AVL9: variants seen among roughly 807,000 people sequenced by gnomAD.
The protein encoded by AVL9 is late secretory pathway protein AVL9 homolog.
AVL9 carries 49 observed loss-of-function variants against 79.2 expected under a neutral mutation model. That is an observed-to-expected ratio of 0.62 (90% confidence interval 0.49 to 0.79). The LOEUF (loss-of-function observed/expected upper bound fraction) is 0.79. AVL9 is among the 30% of genes least tolerant of loss of function. The pLI, the probability that AVL9 is intolerant of heterozygous loss-of-function variation, is 0.00. For synonymous variants in AVL9, 299 were observed against 280.6 expected (o/e 1.07, Z -0.65); for missense variants, 682 against 776.8 (o/e 0.88, Z 1.45).
At chr7:32,581,316 G>A in intron 15 of AVL9, 3 of 154,254 alleles carry the variant, frequency 1.9e-5, no homozygotes, top group East Asian at 1.9e-4. Flanking sequence ...TATAAAATCT[G>A]GTAAAGATAA....
chr7:32,549,209 T>A (rs144488262), intron 4 of AVL9, among the ~76,000 whole-genome samples: 15,650 of 48,676 alleles, frequency 0.32, 1,162 homozygotes, highest in African/African-American at 0.34. Flanking sequence ...AAAAAAAAAA[T>A]TTTATATATA....
At chr7:32,496,993 G>A (rs930957063) in intron 1 of AVL9, among the ~76,000 whole-genome samples, 2 of 152,202 alleles carry the variant, frequency 1.3e-5, no homozygotes, top group African/African-American at 4.8e-5. Context: ...CCAGCTACTC[G>A]GTAGGCTAAG....
At chr7:32,497,841 CG>C (rs1415844361) in intron 1 of AVL9, among the ~76,000 whole-genome samples, 2 of 151,978 alleles carry the variant, frequency 1.3e-5, no homozygotes, top group Non-Finnish European at 2.9e-5. Flanking sequence ...TTAGTAGAGA[CG>C]GGGTTTCACA....
intron 8 of AVL9, 101 bp from the exon 9 acceptor site, chr7:32,558,458 C>T (rs1198357565): frequency 4.3e-5 from 38 of 888,178 alleles, no homozygotes; most frequent in South Asian, 3.7e-4. Context: ...GCCCGGCCAG[C>T]TGTTATTCTT....
At chr7:32,503,327 TATATATCTATATATATAG>T (rs1787231158) in intron 1 of AVL9, among the ~76,000 whole-genome samples, 3 of 109,984 alleles carry the variant, frequency 2.7e-5, no homozygotes, top group African/African-American at 1.0e-4. Flanking sequence ...AAGATATATA[TATATATCTATATATATAG>T]ATATAGATAT....
intron 1 of AVL9, among the ~76,000 whole-genome samples, chr7:32,509,149 A>T (rs6951955): frequency 0.35 from 53,236 of 151,954 alleles, 9,664 homozygotes; most frequent in East Asian, 0.48. Context: ...GCGTGGAAGC[A>T]GCTAACTGAG....
chr7:32,543,188 C>T lies in AVL9; in HGVS notation c.141C>T (p.Ser47=). The change falls in exon 2 of 16, where the codon AGC becomes AGT. Residue 47 remains serine (S), a synonymous_variant. Coordinates refer to ENST00000318709, the MANE Select transcript of AVL9 (RefSeq NM_015060.3). The part of the protein sequence containing the change: ...PPLIPGDGHD[S]HTLPEEWKYL... ...TGATTCCAGGAGATGGACATGACAG[C>T]CACACTTTACCTGAAGAATGGAAGT... 6.2e-7 allele frequency: 1 copy of T among 1,614,166 alleles called. No individual in the cohort carries two copies. The highest frequency in any genetic ancestry group is 1.3e-5 in the African/African-American group (1 of 75,040).
At chr7:32,514,588 G>T (rs557670766) in intron 1 of AVL9, among the ~76,000 whole-genome samples, 14 of 152,228 alleles carry the variant, frequency 9.2e-5, no homozygotes, top group African/African-American at 3.4e-4. Flanking sequence ...AAGTGTAAAT[G>T]GCCGGTCCTT....
At chr7:32,508,943 C>T (rs1787533055) in intron 1 of AVL9, among the ~76,000 whole-genome samples, 1 of 152,200 alleles carries the variant, frequency 6.6e-6, no homozygotes, top group Admixed American at 6.5e-5. Context: ...TGACCCTTTA[C>T]ATTTCCATAT....
chr7:32,581,174 G>A (rs1791489855), intron 15 of AVL9: 1 of 363,384 alleles, frequency 2.8e-6, no homozygotes, highest in Non-Finnish European at 5.0e-6. Context: ...TCCCTGTGCT[G>A]TCCACAGTTC....
intron 10 of AVL9, among the ~76,000 whole-genome samples, chr7:32,563,748 A>G (rs571704713): frequency 1.3e-5 from 2 of 152,126 alleles, no homozygotes; most frequent in Non-Finnish European, 2.9e-5. Flanking sequence ...TTATTCGATA[A>G]ATTATTTCTG....
rs538952400 is a variant in AVL9, at chr7:32,527,698, A to G, written c.94-15443A>G. 2.6e-4 allele frequency among the ~76,000 whole-genome samples: 40 copies of G among 152,266 alleles called. No individual in the cohort carries two copies. The South Asian group carries it at 8.1e-3, about 31-fold the overall frequency. ...CAGGATGGGCCCACGGCAGGCTGCT[A>G]TGCCACACCAGCAACACTATGGGAC... On this transcript the variant is annotated intron_variant, in intron 1 of 15. Transcript: ENST00000318709.
Position 32,586,090 on chromosome 7 carries a change from C to A in AVL9, c.*2183C>A, listed in dbSNP as rs1791764781. ...TGGTTTCTGTGATCGGGGTAAACTCCCGTCTCCCACTATTCAAAAGCAGCC... is the reference window on the plus strand; with the variant it reads ...TGGTTTCTGTGATCGGGGTAAACTCACGTCTCCCACTATTCAAAAGCAGCC... On this transcript the variant is annotated 3_prime_UTR_variant, in exon 16 of 16. Coordinates refer to ENST00000318709, the MANE Select transcript of AVL9 (RefSeq NM_015060.3). The A allele has an allele frequency of 6.6e-6, 1 of 152,110 alleles. No homozygotes were observed. The highest frequency in any genetic ancestry group is 6.6e-5 in the Admixed American group (1 of 15,266). The allele number at this position is 152,110 out of a possible 1,614,324, so 9.4% of individuals were successfully genotyped here. A position where few individuals can be genotyped will look rare whatever the true frequency, so the allele number is the denominator to read the frequency against.
chr7:32,495,598 A>G lies in AVL9; in HGVS notation c.-112A>G. 1 of 608,252 alleles carries G rather than the reference A, an allele frequency of 1.6e-6. No individual in the cohort carries two copies. Among genetic ancestry groups the G allele is most frequent in the African/African-American group, 1.9e-5 (1 of 52,230 alleles). 37.7% of individuals were successfully genotyped at this position (608,252 alleles called of 1,614,324 possible). On this transcript the variant is annotated 5_prime_UTR_variant, in exon 1 of 16. The change abolishes an upstream ATG in the 5' untranslated region. Coordinates refer to ENST00000318709, the MANE Select transcript of AVL9 (RefSeq NM_015060.3). ...CCACCGATCTCCCTGTGCGGCCCTC[A>G]TGTGCTGTGCTCGCTGACACCCGAA...
rs1169813900 is a variant in AVL9, at chr7:32,586,563, C to T, written c.*2656C>T. 1 of 152,056 alleles carries T rather than the reference C, an allele frequency of 6.6e-6. No homozygotes were observed. The highest frequency in any genetic ancestry group is 2.4e-5 in the African/African-American group (1 of 41,362). The allele number at this position is 152,056 out of a possible 1,614,324, so 9.4% of individuals were successfully genotyped here. A position where few individuals can be genotyped will look rare whatever the true frequency, so the allele number is the denominator to read the frequency against. ...CTCTCCAAACCCTGGCTCTGTGAGC[C>T]ATAGGAACCAGCACTAGGTCATCTT... On this transcript the variant is annotated 3_prime_UTR_variant, in exon 16 of 16. Coordinates refer to ENST00000318709, the MANE Select transcript of AVL9 (RefSeq NM_015060.3).
At chr7:32,560,315 T>C (rs1471330639) in intron 10 of AVL9, among the ~76,000 whole-genome samples, 1 of 151,524 alleles carries the variant, frequency 6.6e-6, no homozygotes, top group Non-Finnish European at 1.5e-5. Context: ...CACAATAAAG[T>C]GAAGTACAAT....
At chr7:32,579,548 TATTA>T in intron 13 of AVL9, among the ~76,000 whole-genome samples, 2 of 5,094 alleles carry the variant, frequency 3.9e-4, no homozygotes, top group East Asian at 5.7e-3. Context: ...ATATATTATA[TATTA>T]TATATTATAT....
intron 12 of AVL9, 69 bp from the exon 13 acceptor site, chr7:32,575,886 T>C: frequency 8.9e-7 from 1 of 1,118,640 alleles, no homozygotes; most frequent in Non-Finnish European, 1.4e-6. Context: ...TTACCCTTTT[T>C]GGTTATAATC....
intron 1 of AVL9, chr7:32,533,190 C>G (rs891866889): frequency 6.6e-6 from 1 of 152,182 alleles, no homozygotes; most frequent in African/African-American, 2.4e-5. Context: ...GCCTGTAATC[C>G]AAGCTACTCG....
Sources: gnomAD v4.1 joint callset for allele counts (sites outside exome capture counted in the v4.1 genomes callset) on GRCh38, gnomAD v4.1.1 for gene constraint, MANE v1.5 for transcripts, NCBI Gene and HGNC (gene_info 2026-07-23, HGNC 2026-07-21) for gene names.